UBE3D: variants seen among roughly 807,000 people sequenced by gnomAD.
UBE3D encodes the protein E3 ubiquitin-protein ligase E3D.
Under a neutral mutation model 49.6 loss-of-function variants are expected in UBE3D, and 48 were observed. That is an observed-to-expected ratio of 0.97 (90% CI 0.77 to 1.23). The LOEUF is 1.23. UBE3D is among the 50% of genes most tolerant of loss of function. The pLI is 0.00. For missense variants in UBE3D, 452 were observed against 468.4 expected (o/e 0.96, Z 0.32); for synonymous variants, 189 against 174.2 (o/e 1.08, Z -0.67).
At chr6:82,945,038 T>C (rs1050429730) in intron 9 of UBE3D, among the ~76,000 whole-genome samples, 2 of 152,198 alleles carry the variant, frequency 1.3e-5, no homozygotes, top group African/African-American at 4.8e-5. Context: ...CCGGAGGAAA[T>C]TGCCACCCTG....
intron 8 of UBE3D, chr6:83,017,548 A>G (rs1780780871): frequency 6.6e-6 from 1 of 152,190 alleles, no homozygotes; most frequent in Admixed American, 6.5e-5. Flanking sequence ...TCAATAAAAT[A>G]TAAGGATAGT....
chr6:83,045,851 A>G (rs1294290727), intron 3 of UBE3D, among the ~76,000 whole-genome samples: 1 of 152,106 alleles, frequency 6.6e-6, no homozygotes, highest in African/African-American at 2.4e-5. Context: ...TTATGATAAT[A>G]CTTTGCATTT....
At chr6:82,918,290 C>CAAA (rs1264772779) in intron 9 of UBE3D, among the ~76,000 whole-genome samples, 47 of 145,674 alleles carry the variant, frequency 3.2e-4, no homozygotes, top group African/African-American at 1.1e-3. Flanking sequence ...ACAACAACAA[C>CAAA]AAAAAAAAAA....
At chr6:82,894,207 T>A (rs1244392160) in intron 9 of UBE3D, among the ~76,000 whole-genome samples, 1 of 152,018 alleles carries the variant, frequency 6.6e-6, no homozygotes, top group Admixed American at 6.6e-5. Context: ...CCCAACCATT[T>A]CATAGTCCCA....
intron 9 of UBE3D, among the ~76,000 whole-genome samples, chr6:82,918,766 A>T (rs1773109369): frequency 6.6e-6 from 1 of 151,734 alleles, no homozygotes; most frequent in Non-Finnish European, 1.5e-5. Context: ...GTATCAAGGA[A>T]CTGAAACTCA....
At chr6:83,003,488 A>G (rs997959015) in intron 8 of UBE3D, among the ~76,000 whole-genome samples, 2 of 152,204 alleles carry the variant, frequency 1.3e-5, no homozygotes, top group African/African-American at 4.8e-5. Flanking sequence ...TTCAAATAAA[A>G]CAAGTTTTAG....
chr6:82,954,670 G>GA (rs1288130867), intron 9 of UBE3D, among the ~76,000 whole-genome samples: 5 of 152,088 alleles, frequency 3.3e-5, no homozygotes, highest in South Asian at 2.1e-4. Context: ...GCATGAAAGT[G>GA]AATTTCCAAT....
At chr6:82,905,478 G>A (rs908689295) in intron 9 of UBE3D, among the ~76,000 whole-genome samples, 15 of 152,022 alleles carry the variant, frequency 9.9e-5, no homozygotes, top group South Asian at 4.2e-4. Context: ...ATGACCAGCC[G>A]TTACCCTGTC....
At chr6:82,883,652 C>T in the UBE3D span, among the ~76,000 whole-genome samples, 7 of 152,182 alleles carry the variant, frequency 4.6e-5, no homozygotes, top group East Asian at 9.6e-4. Flanking sequence ...AAAATAAAAT[C>T]GAATGACCTA....
At chr6:83,023,028 C>T (rs1045475609) in intron 6 of UBE3D, among the ~76,000 whole-genome samples, 4 of 152,100 alleles carry the variant, frequency 2.6e-5, no homozygotes, top group Non-Finnish European at 4.4e-5. Context: ...AGGATAAGTT[C>T]AAGGCTATAC....
At chr6:82,887,912 A>C (rs1430805053), downstream of UBE3D, among the ~76,000 whole-genome samples, 8 of 152,210 alleles carry the variant, frequency 5.3e-5, no homozygotes, top group African/African-American at 1.9e-4. Flanking sequence ...GGAGTGATCA[A>C]AGCTGGCATT....
intron 9 of UBE3D, among the ~76,000 whole-genome samples, chr6:82,941,691 T>TG (rs1775026242): frequency 4.6e-5 from 7 of 152,130 alleles, no homozygotes; most frequent in Admixed American, 4.6e-4. Flanking sequence ...AATCGGATCA[T>TG]GGGGGCAGCT....
chr6:83,008,662 T>A (rs1364323927), intron 8 of UBE3D, among the ~76,000 whole-genome samples: 1 of 152,180 alleles, frequency 6.6e-6, no homozygotes, highest in South Asian at 2.1e-4. Context: ...TAGACTACCA[T>A]CTGGCAATCC....
At chr6:82,884,221 A>G in the UBE3D span, among the ~76,000 whole-genome samples, 2 of 152,150 alleles carry the variant, frequency 1.3e-5, no homozygotes, top group African/African-American at 2.4e-5. Flanking sequence ...TTCTCCTTCC[A>G]TCTATACCCT....
At chr6:82,923,562 T>G (rs1773517360) in intron 9 of UBE3D, among the ~76,000 whole-genome samples, 1 of 151,690 alleles carries the variant, frequency 6.6e-6, no homozygotes, top group Admixed American at 6.6e-5. Context: ...CCTGGGGCCC[T>G]GTGGGGGTGG....
intron 8 of UBE3D, among the ~76,000 whole-genome samples, chr6:82,980,916 T>C (rs1246355037): frequency 6.6e-6 from 1 of 152,140 alleles, no homozygotes; most frequent in African/African-American, 2.4e-5. Flanking sequence ...CATTGGTCTA[T>C]GTGTCTATTT....
chr6:83,057,141 T>C (rs1278251417), intron 2 of UBE3D, among the ~76,000 whole-genome samples: 1 of 152,196 alleles, frequency 6.6e-6, no homozygotes, highest in Non-Finnish European at 1.5e-5. Flanking sequence ...TTTTGTGTAC[T>C]GTTTTCTCTA....
intron 9 of UBE3D, among the ~76,000 whole-genome samples, chr6:82,933,388 A>T (rs915963688): frequency 1.3e-5 from 2 of 152,258 alleles, no homozygotes; most frequent in African/African-American, 4.8e-5. Context: ...TTTTCATTGC[A>T]TGCAACTCTA....
intron 8 of UBE3D, among the ~76,000 whole-genome samples, chr6:83,015,588 TATACA>T (rs1193163230): frequency 6.6e-6 from 1 of 152,196 alleles, no homozygotes; most frequent in Non-Finnish European, 1.5e-5. Flanking sequence ...TTTCTGTTTA[TATACA>T]TTAGAAAACT....
Sources: allele counts gnomAD v4.1 joint callset (sites outside exome capture counted in the v4.1 genomes callset), GRCh38; gene constraint gnomAD v4.1.1; transcripts MANE v1.5; gene names NCBI Gene and HGNC (gene_info 2026-07-23, HGNC 2026-07-21).